PTPN13: variants seen among roughly 807,000 people sequenced by gnomAD.
PTPN13 encodes the protein tyrosine-protein phosphatase non-receptor type 13.
Under a neutral mutation model 284.0 loss-of-function variants are expected in PTPN13, and 191 were observed. That is an observed-to-expected ratio of 0.67 (90% CI 0.60 to 0.76). The LOEUF is 0.76. Among genes scored for constraint, PTPN13 ranks in the 30% least tolerant of loss-of-function variants. PTPN13 has a pLI of 0.00. For missense variants in PTPN13, 2,797 were observed against 2,939.9 expected (o/e 0.95, Z 1.12); for synonymous variants, 986 against 1,022.3 (o/e 0.96, Z 0.68).
chr4:86,775,349 A>G lies in PTPN13; in HGVS notation c.5680+7A>G, dbSNP rs1392488814. The stretch of plus-strand genomic sequence containing the variant: ...TGCAACAAAGAGGAGTTGGGTAATG[A>G]AAAGTCAAACTTTGTACAATATGAT... On this transcript the variant is annotated splice_region_variant and intron_variant, in intron 34 of 47. Coordinates refer to ENST00000411767, the MANE Select transcript of PTPN13 (RefSeq NM_080683.3). The G allele has an allele frequency of 1.9e-6, 3 of 1,610,586 alleles. No individual in the cohort carries two copies. Among genetic ancestry groups the G allele is most frequent in the African/African-American group, 2.7e-5 (2 of 74,918 alleles).
chr4:86,713,550 T>C (rs1209248954), intron 7 of PTPN13, among the ~76,000 whole-genome samples: 1 of 152,080 alleles, frequency 6.6e-6, no homozygotes, highest in Non-Finnish European at 1.5e-5. Context: ...AAAAAAGTAC[T>C]GGTAAATACC....
intron 45 of PTPN13, among the ~76,000 whole-genome samples, chr4:86,808,999 C>T (rs1313586194): frequency 6.6e-6 from 1 of 152,044 alleles, no homozygotes; most frequent in African/African-American, 2.4e-5. Context: ...AGGAGAAAAC[C>T]ATTCCAGTCA....
rs749675200 is a variant in PTPN13 at position 86,805,373 on chromosome 4, A to C, written c.6745+4A>C. On this transcript the variant is annotated splice_donor_region_variant and intron_variant, in intron 44 of 47. Coordinates refer to ENST00000411767, the MANE Select transcript of PTPN13 (RefSeq NM_080683.3). ...AGATATAAAAATATACTTCCCTGTA[A>C]GTTCCAGTTTGGCTTCAGATTTAAT... is the stretch of plus-strand genomic sequence containing the variant. 7.7e-6 allele frequency: 12 copies of C among 1,560,026 alleles called. No individual in the cohort carries two copies. Among genetic ancestry groups the C allele is most frequent in the South Asian group, 4.6e-5 (4 of 86,556 alleles).
intron 47 of PTPN13, among the ~76,000 whole-genome samples, chr4:86,812,412 G>C (rs1745330894): frequency 6.6e-6 from 1 of 152,010 alleles, no homozygotes; most frequent in Non-Finnish European, 1.5e-5. Flanking sequence ...ATTCTTGCAG[G>C]ATACTGATAA....
At chr4:86,768,025 A>G (rs765640603) in intron 28 of PTPN13, 49 bp downstream of exon 28, 31 of 1,540,110 alleles carry the variant, frequency 2.0e-5, no homozygotes, top group Non-Finnish European at 2.7e-5. Context: ...TTCCTCGCCT[A>G]TTCAAAATTT....
chr4:86,597,439 G>A (rs1004820260), intron 1 of PTPN13, among the ~76,000 whole-genome samples: 3 of 152,108 alleles, frequency 2.0e-5, no homozygotes, highest in Non-Finnish European at 4.4e-5. Flanking sequence ...TAGAGACAAT[G>A]TCTCGCTGTA....
intron 23 of PTPN13, among the ~76,000 whole-genome samples, chr4:86,761,748 C>T (rs1738725597): frequency 6.6e-6 from 1 of 152,110 alleles, no homozygotes. Context: ...GTTTTGAAAA[C>T]CTCTTTTTTG....
intron 1 of PTPN13, among the ~76,000 whole-genome samples, chr4:86,599,875 C>G (rs1359101282): frequency 1.3e-5 from 2 of 152,100 alleles, no homozygotes; most frequent in Non-Finnish European, 2.9e-5. Flanking sequence ...TCAGTATGCT[C>G]TAAACCTAAC....
intron 2 of PTPN13, among the ~76,000 whole-genome samples, chr4:86,648,384 T>C (rs1419294449): frequency 6.6e-6 from 1 of 152,102 alleles, no homozygotes; most frequent in African/African-American, 2.4e-5. Flanking sequence ...CTCCATACTA[T>C]CTTTCCCAGC....
At position 86,807,891 on chromosome 4, in the gene PTPN13, T is replaced by C. The variant is rs751963441; in HGVS notation, c.7077T>C (p.Asp2359=). 5 of 1,607,192 alleles carry C rather than the reference T, an allele frequency of 3.1e-6. No individual in the cohort carries two copies. The South Asian group carries it at 5.5e-5, about 18-fold the overall frequency. The part of the protein sequence containing the change: ...GFVVRAMTLE[D]IQTREVRHIS... Reference sequence around the variant, plus strand: ...TGGTGAGGGCAATGACCCTTGAAGATATTCAGGTAAGTGAATGAAATCTTT... The same window carrying C: ...TGGTGAGGGCAATGACCCTTGAAGACATTCAGGTAAGTGAATGAAATCTTT... Residue 2359 remains aspartate (D), a synonymous_variant, in exon 45 of 48, where the codon GAT becomes GAC. Transcript: ENST00000411767.
rs931955706 is a variant in PTPN13, at chr4:86,764,713, A to T, written c.4138A>T (p.Ile1380Leu). The change falls in exon 25 of 48, where the codon ATA becomes TTA. Residue 1380 changes from isoleucine to leucine, a missense_variant. Coordinates refer to ENST00000411767, the MANE Select transcript of PTPN13 (RefSeq NM_080683.3). ...ELAKNDNSLG[I>L]SVTGGVNTSV... ...GGCTAAAAATGATAACAGCTTGGGG[A>T]TAAGTGTCACGGTACTGTTTGACAA... 6 of 1,606,724 alleles carry T rather than the reference A, an allele frequency of 3.7e-6. No individual in the cohort carries two copies. The highest frequency in any genetic ancestry group is 1.7e-5 in the Admixed American group (1 of 58,000).
intron 36 of PTPN13, among the ~76,000 whole-genome samples, chr4:86,781,529 A>G (rs528064675): frequency 6.6e-6 from 1 of 152,330 alleles, no homozygotes; most frequent in South Asian, 2.1e-4. Flanking sequence ...TTGAAATCAG[A>G]CTTTAAAAAG....
chr4:86,739,567 T>A (rs1313381888), intron 15 of PTPN13, among the ~76,000 whole-genome samples: 2 of 152,116 alleles, frequency 1.3e-5, no homozygotes, highest in African/African-American at 4.8e-5. Context: ...CTTCAACATG[T>A]GGAAATTCAA....
chr4:86,660,396 GT>G (rs918574555), intron 2 of PTPN13, among the ~76,000 whole-genome samples: 20 of 150,872 alleles, frequency 1.3e-4, no homozygotes, highest in African/African-American at 3.9e-4. Context: ...AATTCCTGAG[GT>G]TTTTTTTTAA....
At chr4:86,773,009 G>T in intron 32 of PTPN13, 51 bp downstream of exon 32, 1 of 1,331,932 alleles carries the variant, frequency 7.5e-7, no homozygotes, top group Non-Finnish European at 1.0e-6. Context: ...TTTAAAAGAA[G>T]GTGTGTTCAT....
At chr4:86,789,476 G>A (rs1742364779) in intron 40 of PTPN13, among the ~76,000 whole-genome samples, 2 of 152,192 alleles carry the variant, frequency 1.3e-5, no homozygotes, top group Admixed American at 1.3e-4. Flanking sequence ...ATAGTGCTGT[G>A]CTATCACCAA....
rs971550608 is a variant in PTPN13, at chr4:86,699,292, G to A, written c.635-1949G>A. Among the ~76,000 whole-genome samples the A allele has an allele frequency of 5.9e-5, 9 of 151,908 alleles. No individual in the cohort carries two copies. In the South Asian group the frequency reaches 1.9e-3, roughly 32 times the overall value. Reference sequence around the variant, plus strand: ...TCCCAACTACTCGGGAGGCTGAGGCGGGAGAATGGCGTGAACCTGGGAGGC... The same window carrying A: ...TCCCAACTACTCGGGAGGCTGAGGCAGGAGAATGGCGTGAACCTGGGAGGC... On this transcript the variant is annotated intron_variant, in intron 6 of 47. Coordinates refer to ENST00000411767, the MANE Select transcript of PTPN13 (RefSeq NM_080683.3).
chr4:86,625,014 G>A (rs1313831393), intron 1 of PTPN13, among the ~76,000 whole-genome samples: 9 of 152,140 alleles, frequency 5.9e-5, no homozygotes, highest in Admixed American at 5.9e-4. Flanking sequence ...CTAAGCCAAT[G>A]AATGAGGCCA....
Position 86,765,468 on chromosome 4 carries a change from C to T in PTPN13, c.4223C>T (p.Ser1408Phe). ...GTTATTCCCCAGGGAGCAGCAGAGTCTGATGGTAGAATTCACAAAGGTATA... is the reference window on the plus strand; with the variant it reads ...GTTATTCCCCAGGGAGCAGCAGAGTTTGATGGTAGAATTCACAAAGGTATA... ...KAVIPQGAAE[S>F]DGRIHKGDRV... is the part of the protein sequence containing the mutation. The change falls in exon 26 of 48, where the codon TCT becomes TTT. Residue 1408 changes from serine (S) to phenylalanine (F), a missense_variant. Physicochemically the swap from Ser to Phe is radical, Grantham distance 155. Transcript: ENST00000411767. The T allele has an allele frequency of 6.3e-7, 1 of 1,590,480 alleles. No individual in the cohort carries two copies. The highest frequency in any genetic ancestry group is 8.6e-7 in the Non-Finnish European group (1 of 1,167,350).
Sources: allele counts gnomAD v4.1 joint callset (sites outside exome capture counted in the v4.1 genomes callset), GRCh38; gene constraint gnomAD v4.1.1; transcripts MANE v1.5; gene names NCBI Gene and HGNC (gene_info 2026-07-23, HGNC 2026-07-21).